Variants in CFAP263 observed in about 807,000 individuals in gnomAD.
CFAP263 encodes cilia- and flagella-associated protein 263.
chr16:58,255,558 G>A, the CFAP263 span, among the ~76,000 whole-genome samples: 3 of 151,714 alleles, frequency 2.0e-5, no homozygotes, highest in Admixed American at 6.6e-5. Context: ...AAGTCCCTAG[G>A]TCAGCATTTC....
the CFAP263 span, chr16:58,258,377 G>C: frequency 6.2e-7 from 1 of 1,614,046 alleles, no homozygotes. Context: ...GGCGATCATT[G>C]AGGAGGCTGA....
the CFAP263 span, among the ~76,000 whole-genome samples, chr16:58,261,264 G>A: frequency 2.0e-5 from 3 of 152,308 alleles, no homozygotes; most frequent in African/African-American, 7.2e-5. Flanking sequence ...GCTGTGGATG[G>A]AGGTGTCAAG....
At chr16:58,254,153 T>A in the CFAP263 span, 6 of 1,614,010 alleles carry the variant, frequency 3.7e-6, no homozygotes, top group Non-Finnish European at 4.2e-6. Flanking sequence ...ACCTGCAGCA[T>A]CACGAGGTAC....
At chr16:58,255,050 C>T in the CFAP263 span, among the ~76,000 whole-genome samples, 1 of 152,122 alleles carries the variant, frequency 6.6e-6, no homozygotes, top group Admixed American at 6.5e-5. Context: ...AAGGCAAAGT[C>T]CCACGCAATC....
the CFAP263 span, among the ~76,000 whole-genome samples, chr16:58,265,559 G>A: frequency 6.6e-6 from 1 of 150,610 alleles, no homozygotes; most frequent in Non-Finnish European, 1.5e-5. Context: ...AGTGAGCTTG[G>A]AAGAGGACCC....
the CFAP263 span, among the ~76,000 whole-genome samples, chr16:58,274,890 G>A: frequency 3.9e-5 from 6 of 152,330 alleles, no homozygotes; most frequent in South Asian, 1.2e-3. Context: ...CTCTACAAGT[G>A]GGTTGCTGGG....
chr16:58,273,048 G>A, the CFAP263 span, among the ~76,000 whole-genome samples: 4 of 152,068 alleles, frequency 2.6e-5, no homozygotes, highest in Non-Finnish European at 5.9e-5. Context: ...GAAATCAGCT[G>A]TTAATCTTGT....
the CFAP263 span, chr16:58,281,057 G>T: frequency 2.9e-6 from 1 of 339,704 alleles, no homozygotes; most frequent in Non-Finnish European, 5.4e-6. Context: ...CCTCTCTTCT[G>T]GCTTCTCATT....
the CFAP263 span, chr16:58,281,677 A>G: frequency 0.1 from 15,802 of 152,312 alleles, 911 homozygotes; most frequent in Admixed American, 0.13. Flanking sequence ...TGGAAGGCCC[A>G]GGCAATGACA....
chr16:58,258,871 G>A, the CFAP263 span, among the ~76,000 whole-genome samples: 5 of 152,112 alleles, frequency 3.3e-5, no homozygotes, highest in African/African-American at 1.2e-4. Flanking sequence ...CCAGCTGCTC[G>A]GGAGGCTGAG....
At chr16:58,267,160 C>G in the CFAP263 span, among the ~76,000 whole-genome samples, 1 of 152,166 alleles carries the variant, frequency 6.6e-6, no homozygotes, top group Non-Finnish European at 1.5e-5. Context: ...TCTCCACAAC[C>G]CTACATGGTG....
chr16:58,263,814 C>G, the CFAP263 span, among the ~76,000 whole-genome samples: 1 of 152,168 alleles, frequency 6.6e-6, no homozygotes, highest in East Asian at 1.9e-4. Context: ...GCTGTCTCTA[C>G]TAAAAATACA....
At chr16:58,279,775 T>C in the CFAP263 span, 7 of 1,612,342 alleles carry the variant, frequency 4.3e-6, no homozygotes, top group Non-Finnish European at 5.9e-6. Context: ...TGCTGGGAAG[T>C]AGCCAGAGGC....
chr16:58,252,881 T>G, the CFAP263 span: 1 of 1,610,738 alleles, frequency 6.2e-7, no homozygotes. Flanking sequence ...AGATCATTCT[T>G]TTATTGTTTG....
the CFAP263 span, among the ~76,000 whole-genome samples, chr16:58,266,022 G>T: frequency 2.0e-5 from 3 of 152,162 alleles, no homozygotes; most frequent in African/African-American, 7.2e-5. Flanking sequence ...GACCCCATCA[G>T]TGTGGTCTCA....
At chr16:58,261,351 T>C in the CFAP263 span, among the ~76,000 whole-genome samples, 2 of 152,250 alleles carry the variant, frequency 1.3e-5, no homozygotes, top group Admixed American at 1.3e-4. Flanking sequence ...GATCATCAGT[T>C]CCTGGTACTT....
the CFAP263 span, chr16:58,252,652 A>C: frequency 1.5e-6 from 2 of 1,349,566 alleles, no homozygotes; most frequent in Non-Finnish European, 2.1e-6. Flanking sequence ...TTGCAGGTCT[A>C]CTAGTTATTA....
At chr16:58,282,718 C>T in the CFAP263 span, 2 of 152,262 alleles carry the variant, frequency 1.3e-5, no homozygotes, top group Admixed American at 1.3e-4. Context: ...TTGTGTGCAC[C>T]TCACTATGTC....
the CFAP263 span, among the ~76,000 whole-genome samples, chr16:58,265,556 T>TTCC: frequency 2.6e-5 from 4 of 150,956 alleles, no homozygotes; most frequent in Non-Finnish European, 2.9e-5. Flanking sequence ...ATAAGTGAGC[T>TTCC]TGGAAGAGGA....
Sources: allele counts gnomAD v4.1 joint callset (sites outside exome capture counted in the v4.1 genomes callset), GRCh38; gene constraint gnomAD v4.1.1; transcripts MANE v1.5; gene names NCBI Gene and HGNC (gene_info 2026-07-23, HGNC 2026-07-21).